The following GPR158 variants were observed in gnomAD, a reference collection of about 807,000 sequenced individuals.
GPR158 encodes the protein G protein-coupled receptor 158.
Under a neutral mutation model 78.2 loss-of-function variants are expected in GPR158, and 30 were observed. The ratio of observed to expected loss-of-function variants is 0.38; its 90% CI spans 0.29 to 0.52. The LOEUF (loss-of-function observed/expected upper bound fraction) is 0.52. GPR158 is among the 20% of genes least tolerant of loss of function. The pLI is 0.83. For missense variants in GPR158, 1,463 were observed against 1,523.5 expected (o/e 0.96, Z 0.66); for synonymous variants, 581 against 591.1 (o/e 0.98, Z 0.25).
At chr10:25,304,903 C>A (rs1023933885) in intron 2 of GPR158, among the ~76,000 whole-genome samples, 1 of 152,172 alleles carries the variant, frequency 6.6e-6, no homozygotes, top group African/African-American at 2.4e-5. Context: ...GCCTCTTTAG[C>A]AATTCAACAA....
chr10:25,181,127 A>T (rs1276551536), intron 1 of GPR158, among the ~76,000 whole-genome samples: 1 of 152,162 alleles, frequency 6.6e-6, no homozygotes, highest in Non-Finnish European at 1.5e-5. Flanking sequence ...AACATACCCT[A>T]TGTCTTTCTT....
chr10:25,527,833 C>G (rs56340524), intron 5 of GPR158, among the ~76,000 whole-genome samples: 6,477 of 151,936 alleles, frequency 0.043, 230 homozygotes, highest in Non-Finnish European at 0.064. Context: ...CACAAATTAC[C>G]AGTATCAGGA....
intron 2 of GPR158, 96 bp downstream of exon 2, chr10:25,221,253 T>A (rs1275814460): frequency 1.5e-6 from 1 of 647,220 alleles, no homozygotes; most frequent in Non-Finnish European, 2.6e-6. Context: ...GGCATCTTAC[T>A]GGGAAGAAAA....
intron 4 of GPR158, among the ~76,000 whole-genome samples, chr10:25,462,179 C>T (rs74803666): frequency 3.3e-5 from 5 of 152,104 alleles, no homozygotes; most frequent in African/African-American, 7.3e-5. Context: ...GAAAATCCTG[C>T]GGGCCTTAAG....
chr10:25,599,047 G>GA lies in GPR158; in HGVS notation c.3428dup (p.Thr1144AspfsTer5), dbSNP rs760000398. ...AAATCTCAACCAAATAGGACACCAG[G>GA]AAAAAAAGACATCTTCTTCTGAGGA... On this transcript the variant is annotated frameshift_variant, in exon 11 of 11. Coordinates refer to ENST00000376351, the MANE Select transcript of GPR158 (RefSeq NM_020752.3). LOFTEE classifies it low-confidence loss of function (END_TRUNC). 5.0e-6 allele frequency: 8 copies of GA among 1,613,720 alleles called. No individual in the cohort carries two copies. The African/African-American group carries it at 8.0e-5, about 16-fold the overall frequency.
In GPR158 at chr10:25,431,574, G is replaced by C. The variant is rs546711112; in HGVS notation, c.1335+19101G>C. Among the ~76,000 whole-genome samples the C allele has an allele frequency of 9.1e-5, 12 of 131,504 alleles. No individual in the cohort carries two copies. In the South Asian group the frequency reaches 3.1e-3, roughly 34 times the overall value. The allele number at this position is 131,504 out of a possible 152,430, so 86.3% of individuals were successfully genotyped here. On this transcript the variant is annotated intron_variant, in intron 4 of 10. Coordinates refer to ENST00000376351, the MANE Select transcript of GPR158 (RefSeq NM_020752.3). ...CACATGCACACGTATGTTTATTGTG[G>C]CACTATTCACAATAGCAAAGACTTG...
In GPR158 at chr10:25,249,741, A is replaced by T. The variant is rs1376129672; in HGVS notation, c.1008+28584A>T. On this transcript the variant is annotated intron_variant, in intron 2 of 10. Coordinates refer to ENST00000376351, the MANE Select transcript of GPR158 (RefSeq NM_020752.3). ...GTATTTTATTGATGATTTTTGCATC[A>T]ATGTTCATCAAGGATATTGGCCTAA... Among the ~76,000 whole-genome samples the T allele has an allele frequency of 2.0e-5, 3 of 152,154 alleles. No homozygotes were observed. The East Asian group carries it at 5.8e-4, about 29-fold the overall frequency.
chr10:25,425,768 G>T lies in GPR158; in HGVS notation c.1335+13295G>T, dbSNP rs560210324. ...GCCTCTTCTGCTTTAGCACTCCTGG[G>T]CTTCTCTCTTAGGACCTCCTATTGC... is the stretch of plus-strand genomic sequence containing the variant. On this transcript the variant is annotated intron_variant, in intron 4 of 10. Coordinates refer to ENST00000376351, the MANE Select transcript of GPR158 (RefSeq NM_020752.3). Among the ~76,000 whole-genome samples, 3 of 152,126 alleles carry T rather than the reference G, an allele frequency of 2.0e-5. No homozygotes were observed. The East Asian group carries it at 5.8e-4, about 29-fold the overall frequency.
intron 2 of GPR158, among the ~76,000 whole-genome samples, chr10:25,389,324 C>T (rs866159453): frequency 6.6e-6 from 1 of 152,166 alleles, no homozygotes; most frequent in East Asian, 1.9e-4. Context: ...ACCCCAGGGT[C>T]TCCTCTTTGC....
chr10:25,272,470 GCT>G (rs1451105282), intron 2 of GPR158, among the ~76,000 whole-genome samples: 3 of 151,818 alleles, frequency 2.0e-5, no homozygotes, highest in African/African-American at 7.3e-5. Context: ...CCTTTCCGTA[GCT>G]CTTTTTTCTT....
At chr10:25,221,956 G>T (rs919985509) in intron 2 of GPR158, among the ~76,000 whole-genome samples, 1 of 152,158 alleles carries the variant, frequency 6.6e-6, no homozygotes, top group Non-Finnish European at 1.5e-5. Context: ...TTCCACAAAT[G>T]TAGTAATCTA....
intron 4 of GPR158, among the ~76,000 whole-genome samples, chr10:25,455,961 C>T (rs549922309): frequency 2.6e-5 from 4 of 152,170 alleles, no homozygotes; most frequent in African/African-American, 9.6e-5. Flanking sequence ...CTTAATGCCC[C>T]CAAGTTTGAG....
At chr10:25,561,449 T>G (rs1314755210) in intron 6 of GPR158, among the ~76,000 whole-genome samples, 2 of 152,216 alleles carry the variant, frequency 1.3e-5, no homozygotes, top group East Asian at 1.9e-4. Context: ...TAATCTGGCT[T>G]CTTCTTGATC....
intron 2 of GPR158, among the ~76,000 whole-genome samples, chr10:25,319,364 A>G (rs1035766481): frequency 1.3e-5 from 2 of 152,198 alleles, no homozygotes; most frequent in African/African-American, 4.8e-5. Context: ...TTCTGAGAGC[A>G]CAGCCATGTC....
intron 6 of GPR158, among the ~76,000 whole-genome samples, chr10:25,565,194 T>C (rs1449902385): frequency 1.3e-5 from 2 of 152,232 alleles, no homozygotes; most frequent in Non-Finnish European, 2.9e-5. Flanking sequence ...AATTGGTCAA[T>C]TAAATCTTCT....
At chr10:25,178,803 G>A (rs1005369853) in intron 1 of GPR158, among the ~76,000 whole-genome samples, 3 of 152,192 alleles carry the variant, frequency 2.0e-5, no homozygotes, top group Admixed American at 1.3e-4. Context: ...AGTTCCACTT[G>A]TTGTCTCATA....
intron 3 of GPR158, among the ~76,000 whole-genome samples, chr10:25,403,390 T>A (rs1467041042): frequency 6.6e-6 from 1 of 152,038 alleles, no homozygotes. Flanking sequence ...TACTGTAACC[T>A]TCTCCCAATG....
At chr10:25,515,767 CATT>C (rs1405272947) in intron 5 of GPR158, among the ~76,000 whole-genome samples, 2 of 146,728 alleles carry the variant, frequency 1.4e-5, no homozygotes, top group Admixed American at 1.4e-4. Context: ...TCCAGTCTAT[CATT>C]GTTGGACATT....
intron 2 of GPR158, among the ~76,000 whole-genome samples, chr10:25,259,974 A>G (rs1392687584): frequency 1.3e-5 from 2 of 151,940 alleles, no homozygotes; most frequent in East Asian, 1.9e-4. Flanking sequence ...AGTTTATTCT[A>G]TTGTCTGTGT....
Sources: gnomAD v4.1 joint callset for allele counts (sites outside exome capture counted in the v4.1 genomes callset) on GRCh38, gnomAD v4.1.1 for gene constraint, MANE v1.5 for transcripts, NCBI Gene and HGNC (gene_info 2026-07-23, HGNC 2026-07-21) for gene names.